C10orf143: variants seen among roughly 807,000 people sequenced by gnomAD.
The protein encoded by C10orf143 is uncharacterized protein C10orf143.
chr10:130,106,350 A>G (rs1351133592), intron 1 of C10orf143: 11 of 1,601,050 alleles, frequency 6.9e-6, no homozygotes, highest in Non-Finnish European at 9.4e-6. Context: ...GTTCAAAAAG[A>G]GTATGAAGAC....
intron 3 of C10orf143, among the ~76,000 whole-genome samples, chr10:130,068,766 T>G (rs888029855): frequency 6.6e-6 from 1 of 151,338 alleles, no homozygotes; most frequent in African/African-American, 2.4e-5. Flanking sequence ...AATTAAAAAC[T>G]CATTAACGGG....
Position 130,105,915 on chromosome 10 carries a change from C to G in C10orf143, c.69+4789G>C, listed in dbSNP as rs61750902. 1.5e-3 allele frequency: 556 copies of G among 368,736 alleles called. 2 individuals carry two copies. Among genetic ancestry groups the G allele is most frequent in the African/African-American group, 0.011 (506 of 46,930 alleles). 22.8% of individuals were successfully genotyped at this position (368,736 alleles called of 1,614,324 possible). A position where few individuals can be genotyped will look rare whatever the true frequency, so the allele number is the denominator to read the frequency against. ...GCGCCCGCATCCCCCAGCTCCCCCC[C>G]GCAGCCGGCTCCACAATGGTCTGCT... is the stretch of plus-strand genomic sequence containing the variant. On this transcript the variant is annotated intron_variant, in intron 1 of 3. Transcript: ENST00000637128.
At chr10:130,063,412 C>G (rs554451057), downstream of C10orf143, among the ~76,000 whole-genome samples, 3 of 152,208 alleles carry the variant, frequency 2.0e-5, no homozygotes, top group Admixed American at 6.5e-5. Flanking sequence ...CCCTCTTTCC[C>G]GGCTTTGGTT....
At chr10:130,081,266 T>C (rs1275864661) in intron 1 of C10orf143, among the ~76,000 whole-genome samples, 1 of 151,932 alleles carries the variant, frequency 6.6e-6, no homozygotes, top group Non-Finnish European at 1.5e-5. Flanking sequence ...CAGTTCACAG[T>C]GAAGACATAA....
chr10:130,041,743 G>A (rs1308069916), intron 3 of C10orf143, among the ~76,000 whole-genome samples: 1 of 152,004 alleles, frequency 6.6e-6, no homozygotes, highest in African/African-American at 2.4e-5. Context: ...TGTGTCCATA[G>A]GAAACACTTT....
At chr10:130,102,063 T>G (rs1861566623) in intron 1 of C10orf143, among the ~76,000 whole-genome samples, 1 of 151,180 alleles carries the variant, frequency 6.6e-6, no homozygotes, top group Non-Finnish European at 1.5e-5. Flanking sequence ...AGCCCAGGAG[T>G]TTGAGACCAG....
chr10:130,090,389 T>C (rs947298974), intron 1 of C10orf143, among the ~76,000 whole-genome samples: 2 of 152,078 alleles, frequency 1.3e-5, no homozygotes, highest in African/African-American at 4.8e-5. Context: ...GCCCAGAAAC[T>C]ATGCTTTTCC....
At chr10:130,055,011 G>T (rs1434604402) in intron 3 of C10orf143, among the ~76,000 whole-genome samples, 2 of 151,952 alleles carry the variant, frequency 1.3e-5, no homozygotes, top group Non-Finnish European at 2.9e-5. Flanking sequence ...AAATACAAAA[G>T]AATGAAATTG....
At chr10:130,095,614 A>T (rs550624770) in intron 1 of C10orf143, among the ~76,000 whole-genome samples, 10 of 152,236 alleles carry the variant, frequency 6.6e-5, no homozygotes, top group Non-Finnish European at 1.3e-4. Context: ...ATGGAACAGA[A>T]CAGGGGCCTC....
chr10:130,078,659 T>A (rs1475710292), intron 3 of C10orf143, among the ~76,000 whole-genome samples: 3 of 152,218 alleles, frequency 2.0e-5, no homozygotes, highest in African/African-American at 7.2e-5. Context: ...GTTCACCCTG[T>A]CATCAGACAC....
intron 3 of C10orf143, among the ~76,000 whole-genome samples, chr10:130,043,642 G>A (rs538741708): frequency 1.3e-5 from 2 of 152,308 alleles, no homozygotes; most frequent in East Asian, 3.9e-4. Context: ...GCACCCCCAG[G>A]TGCCCTGCTC....
At chr10:130,041,732 A>AT (rs1860608778) in intron 3 of C10orf143, among the ~76,000 whole-genome samples, 1 of 152,238 alleles carries the variant, frequency 6.6e-6, no homozygotes, top group South Asian at 2.1e-4. Flanking sequence ...TGCTGATGAA[A>AT]TGTGTCCATA....
chr10:130,075,836 C>T (rs1221214088), intron 3 of C10orf143, among the ~76,000 whole-genome samples: 1 of 152,150 alleles, frequency 6.6e-6, no homozygotes, highest in Non-Finnish European at 1.5e-5. Flanking sequence ...TTCCCCTTCA[C>T]CTTCCACCAG....
chr10:130,043,636 C>A (rs773635338), intron 3 of C10orf143, among the ~76,000 whole-genome samples: 3 of 152,224 alleles, frequency 2.0e-5, no homozygotes, highest in Non-Finnish European at 2.9e-5. Flanking sequence ...CCATAAGCAC[C>A]CCCAGGTGCC....
chr10:130,054,618 A>G (rs1393417595), intron 3 of C10orf143, among the ~76,000 whole-genome samples: 1 of 152,232 alleles, frequency 6.6e-6, no homozygotes, highest in Non-Finnish European at 1.5e-5. Context: ...TAGCGGCTGC[A>G]CCATTTTGCA....
chr10:130,107,555 G>T, intron 1 of C10orf143: 1 of 1,345,566 alleles, frequency 7.4e-7, no homozygotes, highest in Non-Finnish European at 1.1e-6. Flanking sequence ...TTATGTACTT[G>T]ATGTTCCAAA....
intron 3 of C10orf143, among the ~76,000 whole-genome samples, chr10:130,038,927 GGCAGGGAGGAC>G (rs1391167809): frequency 5.3e-5 from 8 of 152,186 alleles, no homozygotes; most frequent in Non-Finnish European, 8.8e-5. Context: ...TGCTGCACTG[GGCAGGGAGGAC>G]GCAGGGAGGG....
chr10:130,104,552 A>C (rs1208330565), intron 1 of C10orf143: 1 of 152,262 alleles, frequency 6.6e-6, no homozygotes, highest in African/African-American at 2.4e-5. Flanking sequence ...AGAGAGGCAG[A>C]GAGAGGACAG....
intron 3 of C10orf143, among the ~76,000 whole-genome samples, chr10:130,040,121 C>G (rs1419083154): frequency 6.6e-6 from 1 of 152,118 alleles, no homozygotes; most frequent in Non-Finnish European, 1.5e-5. Flanking sequence ...TGGGAGTCAT[C>G]TGAGCCTGGA....
Sources: gnomAD v4.1 joint callset for allele counts (sites outside exome capture counted in the v4.1 genomes callset) on GRCh38, gnomAD v4.1.1 for gene constraint, MANE v1.5 for transcripts, NCBI Gene and HGNC (gene_info 2026-07-23, HGNC 2026-07-21) for gene names.